VDR: variants seen among roughly 807,000 people sequenced by gnomAD.
The protein encoded by VDR is vitamin D receptor.
Under a neutral mutation model 39.7 loss-of-function variants are expected in VDR, and 19 were observed. The observed-to-expected ratio is 0.48, with a 90% confidence interval of 0.33 to 0.70. The LOEUF (loss-of-function observed/expected upper bound fraction) is 0.70. VDR is among the 30% of genes least tolerant of loss of function. The probability of loss-of-function intolerance (pLI) is 0.02; values close to 1 mark genes in which losing one functional copy is unlikely to be tolerated. For missense variants in VDR, 442 were observed against 570.5 expected (o/e 0.77, Z 2.29); for synonymous variants, 242 against 215.8 (o/e 1.12, Z -1.07).
chr12:47,894,917 C>T (rs183874648), intron 1 of VDR, among the ~76,000 whole-genome samples: 105 of 152,320 alleles, frequency 6.9e-4, no homozygotes, highest in African/African-American at 1.9e-3. Context: ...ATGAGGGCGG[C>T]AGGACAGGGA....
intron 7 of VDR, among the ~76,000 whole-genome samples, chr12:47,851,743 G>A (rs1565609972): frequency 6.6e-6 from 1 of 152,224 alleles, no homozygotes; most frequent in South Asian, 2.1e-4. Flanking sequence ...GTCCCTGCAA[G>A]CTCTCTTAGC....
rs1009033611 is a variant in VDR, at chr12:47,855,328, G to GA, written c.755+301dup. On this transcript the variant is annotated intron_variant, in intron 7 of 9. Coordinates refer to ENST00000549336, the MANE Select transcript of VDR (RefSeq NM_000376.3). ...GGGCATCAGAGCGAGAATCTGTCTG[G>GA]AAAAAAAATAAAAATAAATAAATAA... is the stretch of plus-strand genomic sequence containing the variant. 8.0e-5 allele frequency among the ~76,000 whole-genome samples: 11 copies of GA among 137,486 alleles called. No homozygotes were observed. In the South Asian group the frequency reaches 1.8e-3, roughly 23 times the overall value. The allele number at this position is 137,486 out of a possible 152,430, so 90.2% of individuals were successfully genotyped here. A position where few individuals can be genotyped will look rare whatever the true frequency, so the allele number is the denominator to read the frequency against.
intron 7 of VDR, 78 bp downstream of exon 7, chr12:47,855,552 A>G: frequency 6.5e-7 from 1 of 1,532,108 alleles, no homozygotes; most frequent in Non-Finnish European, 9.0e-7. Context: ...GAAGTGGTGG[A>G]TGAGTGATCT....
intron 7 of VDR, among the ~76,000 whole-genome samples, chr12:47,850,881 T>G (rs1945374089): frequency 2.1e-5 from 3 of 141,010 alleles, no homozygotes; most frequent in South Asian, 2.6e-4. Context: ...CCCTCCCGCA[T>G]TCCCACGGTA....
chr12:47,900,130 TG>T (rs1946533314), intron 1 of VDR, among the ~76,000 whole-genome samples: 1 of 151,774 alleles, frequency 6.6e-6, no homozygotes, highest in Admixed American at 6.6e-5. Context: ...ACAATTTCTC[TG>T]CACAATCCTA....
intron 7 of VDR, among the ~76,000 whole-genome samples, chr12:47,853,752 T>C (rs938120419): frequency 6.6e-6 from 1 of 151,992 alleles, no homozygotes; most frequent in African/African-American, 2.4e-5. Flanking sequence ...GGAAACTCTG[T>C]CTCAAAAAAA....
intron 9 of VDR, among the ~76,000 whole-genome samples, chr12:47,845,978 G>T (rs1302866974): frequency 6.6e-6 from 1 of 152,242 alleles, no homozygotes; most frequent in Non-Finnish European, 1.5e-5. Flanking sequence ...TTTGTACCCT[G>T]CCCGCAAGAA....
chr12:47,883,120 T>G (rs1284769251), intron 1 of VDR, among the ~76,000 whole-genome samples: 6 of 152,112 alleles, frequency 3.9e-5, no homozygotes, highest in Non-Finnish European at 8.8e-5. Flanking sequence ...AAGGGCCTTT[T>G]CGTTAGGGAG....
Position 47,855,683 on chromosome 12 carries a change from G to A in VDR, c.702C>T (p.Val234=). The A allele has an allele frequency of 1.9e-6, 3 of 1,614,144 alleles. No homozygotes were observed. The highest frequency in any genetic ancestry group is 2.5e-6 in the Non-Finnish European group (3 of 1,180,022). ...CAATGACCTTTTGGATGCTGTAACT[G>A]ACCAGGTCAGCCAGGTGGGGCAGCA... ...LSMLPHLADL[V]SYSIQKVIGF... is the part of the protein sequence containing the mutation. The change falls in exon 7 of 10, where the codon GTC becomes GTT. Residue 234 remains valine (V), a synonymous_variant. Transcript: ENST00000549336.
At position 47,843,546 on chromosome 12, in the gene VDR, C is replaced by T. The variant is rs1307044190; in HGVS notation, c.*1200G>A. On this transcript the variant is annotated 3_prime_UTR_variant, in exon 10 of 10. Coordinates refer to ENST00000549336, the MANE Select transcript of VDR (RefSeq NM_000376.3). ...GCATGCACTTGAAGTTGTATCACTC[C>T]GCCCCTGCCTCACAGGCACCTTTTG... is the stretch of plus-strand genomic sequence containing the variant. The T allele has an allele frequency of 3.3e-5, 5 of 152,374 alleles. No homozygotes were observed. Among genetic ancestry groups the T allele is most frequent in the African/African-American group, 1.2e-4 (5 of 41,432 alleles). The allele number at this position is 152,374 out of a possible 1,614,324, so 9.4% of individuals were successfully genotyped here. A position where few individuals can be genotyped will look rare whatever the true frequency, so the allele number is the denominator to read the frequency against.
intron 1 of VDR, among the ~76,000 whole-genome samples, chr12:47,890,388 T>C (rs1040986063): frequency 5.1e-4 from 76 of 148,028 alleles, no homozygotes; most frequent in Admixed American, 3.8e-3. Context: ...TATATATATA[T>C]ATATATATAA....
chr12:47,890,044 T>G (rs988554899), intron 1 of VDR, among the ~76,000 whole-genome samples: 1 of 151,866 alleles, frequency 6.6e-6, no homozygotes, highest in African/African-American at 2.4e-5. Flanking sequence ...TTTAGTACAG[T>G]TATGCTCAAA....
Position 47,865,158 on chromosome 12 carries a change from C to A in VDR, c.166G>T (p.Ala56Ser). 3 of 1,613,000 alleles carry A rather than the reference C, an allele frequency of 1.9e-6. No individual in the cohort carries two copies. Among genetic ancestry groups the A allele is most frequent in the Non-Finnish European group, 8.5e-7 (1 of 1,179,356 alleles). The change falls in exon 4 of 10, where the codon GCA (alanine) becomes TCA (serine). Residue 56 changes from alanine (A) to serine (S), a missense_variant. Around this residue, in one of 5 missense-constraint regions of VDR, gnomAD observed 141 missense variants for 141.3 expected, o/e 1.00. Coordinates refer to ENST00000549336, the MANE Select transcript of VDR (RefSeq NM_000376.3). The part of the protein sequence containing the change: ...GFFRRSMKRK[A>S]LFTCPFNGDC... ...CCGTTGAAGGGGCAGGTGAATAGTG[C>A]CTTCCGCTTCATGCTTCGCCTGCCG...
intron 7 of VDR, 77 bp downstream of exon 7, chr12:47,855,553 T>A: frequency 6.5e-7 from 1 of 1,527,082 alleles, no homozygotes. Flanking sequence ...AAGTGGTGGA[T>A]GAGTGATCTC....
At chr12:47,900,709 G>A (rs1946542402) in intron 1 of VDR, among the ~76,000 whole-genome samples, 1 of 152,158 alleles carries the variant, frequency 6.6e-6, no homozygotes, top group Non-Finnish European at 1.5e-5. Context: ...CGGGCCTCAT[G>A]GGTATTCCAC....
chr12:47,881,483 TAAGAA>T (rs933912435), intron 2 of VDR, among the ~76,000 whole-genome samples: 3 of 152,044 alleles, frequency 2.0e-5, no homozygotes, highest in African/African-American at 7.2e-5. Context: ...CCTGAACCTA[TAAGAA>T]AAGTTCAGAA....
At chr12:47,904,041 C>A (rs1946617891) in intron 1 of VDR, among the ~76,000 whole-genome samples, 1 of 151,964 alleles carries the variant, frequency 6.6e-6, no homozygotes, top group Non-Finnish European at 1.5e-5. Context: ...CCTTTGGCTG[C>A]AACTGAGCCC....
At chr12:47,856,622 T>TAAAA (rs61388360) in intron 6 of VDR, among the ~76,000 whole-genome samples, 1 of 126,146 alleles carries the variant, frequency 7.9e-6, no homozygotes, top group Non-Finnish European at 1.7e-5. Flanking sequence ...GTGTTTTTTT[T>TAAAA]AAAAAAAAAA....
intron 4 of VDR, among the ~76,000 whole-genome samples, chr12:47,858,852 T>G (rs1945550918): frequency 6.6e-6 from 1 of 151,960 alleles, no homozygotes; most frequent in South Asian, 2.1e-4. Context: ...GGCCCTCAGG[T>G]AGGGGGAGGA....
Sources: allele counts gnomAD v4.1 joint callset (sites outside exome capture counted in the v4.1 genomes callset), GRCh38; gene constraint gnomAD v4.1.1; regional missense constraint gnomAD v4.1.1; transcripts MANE v1.5; gene names NCBI Gene and HGNC (gene_info 2026-07-23, HGNC 2026-07-21).